CCDC122: variants seen among roughly 807,000 people sequenced by gnomAD.
CCDC122 encodes the protein coiled-coil domain-containing protein 122.
In CCDC122, 38 loss-of-function variants were observed where a neutral mutation model predicts 37.0. The observed-to-expected ratio is 1.03, with a 90% CI of 0.79 to 1.35. The LOEUF is 1.35. Among genes scored for constraint, CCDC122 ranks in the 40% most tolerant of loss-of-function variants. The pLI is 0.00. For synonymous variants in CCDC122, 83 were observed against 95.6 expected (o/e 0.87, Z 0.77); for missense variants, 305 against 310.0 (o/e 0.98, Z 0.12).
At chr13:43,833,865 T>A (rs548847403), downstream of CCDC122, among the ~76,000 whole-genome samples, 4 of 152,278 alleles carry the variant, frequency 2.6e-5, no homozygotes, top group East Asian at 7.7e-4. Flanking sequence ...TCAAAGAGAC[T>A]GAGCTTTAAA....
chr13:43,870,747 G>A (rs1188811689), intron 2 of CCDC122, among the ~76,000 whole-genome samples: 1 of 152,062 alleles, frequency 6.6e-6, no homozygotes, highest in Non-Finnish European at 1.5e-5. Flanking sequence ...ATGGATATAA[G>A]AATTTACCCA....
downstream of CCDC122, among the ~76,000 whole-genome samples, chr13:43,834,785 G>A (rs1316719580): frequency 6.6e-6 from 1 of 152,056 alleles, no homozygotes; most frequent in Admixed American, 6.5e-5. Flanking sequence ...AGTTAGAATG[G>A]CAATCATTAA....
chr13:43,819,083 C>T (rs970534426), downstream of CCDC122, among the ~76,000 whole-genome samples: 5 of 152,044 alleles, frequency 3.3e-5, no homozygotes, highest in Non-Finnish European at 7.4e-5. Context: ...AACATATGAA[C>T]GATGTTGAAC....
chr13:43,861,874 C>T (rs372705503), intron 4 of CCDC122, among the ~76,000 whole-genome samples: 9 of 152,246 alleles, frequency 5.9e-5, no homozygotes, highest in African/African-American at 1.9e-4. Flanking sequence ...TACCACTTTC[C>T]ACCTGGATAC....
intron 4 of CCDC122, among the ~76,000 whole-genome samples, chr13:43,862,986 T>C (rs990913156): frequency 6.6e-6 from 1 of 152,030 alleles, no homozygotes; most frequent in African/African-American, 2.4e-5. Context: ...CTCTTCATCC[T>C]TTTCCCCTTC....
In CCDC122 at chr13:43,874,212, A is replaced by C. The variant is rs370248566; in HGVS notation, c.-114+630T>G. ...TACTTATTAGCTTATTAGGAAAATT[A>C]TTTCCAACCTGGGCCACAGATTCCT... On this transcript the variant is annotated intron_variant, in intron 2 of 6. Transcript: ENST00000444614. Among the ~76,000 whole-genome samples, 16 of 152,192 alleles carry C rather than the reference A, an allele frequency of 1.1e-4. 1 individual carries two copies. The highest frequency in any genetic ancestry group is 7.2e-4 in the Admixed American group (11 of 15,282).
chr13:43,849,472 GA>G (rs1953653084), intron 6 of CCDC122, among the ~76,000 whole-genome samples: 1 of 152,236 alleles, frequency 6.6e-6, no homozygotes, highest in Non-Finnish European at 1.5e-5. Flanking sequence ...AAGTTGGAGA[GA>G]AGAAGGCAAA....
At chr13:43,865,917 A>C (rs992931001) in intron 4 of CCDC122, among the ~76,000 whole-genome samples, 1 of 152,160 alleles carries the variant, frequency 6.6e-6, no homozygotes, top group African/African-American at 2.4e-5. Context: ...TCTCTGTGGC[A>C]TATGTGAATT....
intron 6 of CCDC122, among the ~76,000 whole-genome samples, chr13:43,846,049 A>G (rs886072154): frequency 1.3e-5 from 2 of 150,764 alleles, no homozygotes; most frequent in African/African-American, 4.9e-5. Context: ...GGTTGATTCT[A>G]CTCTTAGCTA....
chr13:43,827,749 C>G (rs1371760907), intron 3 of CCDC122, among the ~76,000 whole-genome samples: 1 of 152,118 alleles, frequency 6.6e-6, no homozygotes, highest in Non-Finnish European at 1.5e-5. Context: ...ACATAGGGGT[C>G]CTGGAACCCA....
chr13:43,857,466 G>A (rs1294236979), intron 6 of CCDC122, among the ~76,000 whole-genome samples: 1 of 151,672 alleles, frequency 6.6e-6, no homozygotes, highest in Admixed American at 6.6e-5. Flanking sequence ...GTGTGTGTGT[G>A]TGTGTGTGTG....
chr13:43,864,725 G>A (rs1266577018), intron 4 of CCDC122, among the ~76,000 whole-genome samples: 1 of 152,084 alleles, frequency 6.6e-6, no homozygotes, highest in African/African-American at 2.4e-5. Flanking sequence ...GAGGGTTGGA[G>A]GGGACAAACA....
rs112171399 is a variant in CCDC122 at position 43,873,400 on chromosome 13, C to T, written c.-114+1442G>A. ...CTCTATTACCACCATTAAACCTGCACCTTCATAGTCTTCTCTATCTCAGTA... is the reference window on the plus strand; with the variant it reads ...CTCTATTACCACCATTAAACCTGCATCTTCATAGTCTTCTCTATCTCAGTA... On this transcript the variant is annotated intron_variant, in intron 2 of 6. Transcript: ENST00000444614. Among the ~76,000 whole-genome samples, 579 of 152,236 alleles carry T rather than the reference C, an allele frequency of 3.8e-3. 2 individuals carry two copies. Among genetic ancestry groups the T allele is most frequent in the Non-Finnish European group, 5.9e-3 (404 of 67,998 alleles).
At chr13:43,823,442 C>T (rs765554677), downstream of CCDC122, among the ~76,000 whole-genome samples, 2 of 152,204 alleles carry the variant, frequency 1.3e-5, no homozygotes, top group East Asian at 1.9e-4. Context: ...CCCTTGGCCT[C>T]GCTGTCTGGT....
chr13:43,841,102 C>A (rs7328830), intron 6 of CCDC122, among the ~76,000 whole-genome samples: 10 of 152,158 alleles, frequency 6.6e-5, no homozygotes, highest in South Asian at 4.1e-4. Flanking sequence ...GCAGTGCACC[C>A]ATCACAATTT....
intron 5 of CCDC122, 114 bp from the exon 6 acceptor site, chr13:43,859,011 G>T: frequency 1.2e-6 from 1 of 815,382 alleles, no homozygotes. Context: ...ATTTAGTTTT[G>T]ATAAATAGCA....
At chr13:43,826,107 T>C (rs1466171037) in intron 3 of CCDC122, among the ~76,000 whole-genome samples, 1 of 152,198 alleles carries the variant, frequency 6.6e-6, no homozygotes, top group Admixed American at 6.5e-5. Context: ...ACTTTTTGTC[T>C]TAACTCTTTC....
At chr13:43,852,558 A>G (rs1382180673) in intron 6 of CCDC122, among the ~76,000 whole-genome samples, 1 of 152,110 alleles carries the variant, frequency 6.6e-6, no homozygotes, top group East Asian at 1.9e-4. Context: ...CTTGGAAAAC[A>G]TATTTCAGTA....
At chr13:43,869,578 T>C in intron 2 of CCDC122, 89 bp from the exon 3 acceptor site, 2 of 508,338 alleles carry the variant, frequency 3.9e-6, no homozygotes. Context: ...AATGGTTAAG[T>C]GATTTTGGAA....
Sources: allele counts gnomAD v4.1 joint callset (sites outside exome capture counted in the v4.1 genomes callset), GRCh38; gene constraint gnomAD v4.1.1; transcripts MANE v1.5; gene names NCBI Gene and HGNC (gene_info 2026-07-23, HGNC 2026-07-21).